The following DAB1 variants were observed in gnomAD, a reference collection of about 807,000 sequenced individuals.
DAB1 encodes DAB adaptor protein 1.
In DAB1, 15 loss-of-function variants were observed where a neutral mutation model predicts 64.6. The observed-to-expected ratio is 0.23, with a 90% CI of 0.16 to 0.36. The LOEUF is 0.36. Among genes scored for constraint, DAB1 ranks in the 10% least tolerant of loss-of-function variants. The pLI, the probability that DAB1 is intolerant of heterozygous loss-of-function variation, is 1.00. For missense variants in DAB1, 596 were observed against 706.7 expected (o/e 0.84, Z 1.78); for synonymous variants, 235 against 251.9 (o/e 0.93, Z 0.64).
chr1:57,961,356 A>T (rs1645516950), intron 5 of DAB1, among the ~76,000 whole-genome samples: 1 of 152,076 alleles, frequency 6.6e-6, no homozygotes, highest in Non-Finnish European at 1.5e-5. Flanking sequence ...TAACCTCTAA[A>T]CTTTTCAATT....
At chr1:57,822,238 T>C (rs562612351), downstream of DAB1, among the ~76,000 whole-genome samples, 1 of 152,336 alleles carries the variant, frequency 6.6e-6, no homozygotes, top group Non-Finnish European at 1.5e-5. Context: ...ATGCTGTCCA[T>C]CGTAATCATA....
intron 9 of DAB1, among the ~76,000 whole-genome samples, chr1:57,043,006 G>C (rs1320225471): frequency 6.6e-6 from 1 of 151,748 alleles, no homozygotes; most frequent in African/African-American, 2.4e-5. Flanking sequence ...AGAAATACTA[G>C]GCAGAAGTTC....
intron 5 of DAB1, among the ~76,000 whole-genome samples, chr1:58,081,796 A>G (rs942243956): frequency 7.2e-5 from 11 of 152,206 alleles, no homozygotes; most frequent in Non-Finnish European, 1.5e-5. Context: ...CAGTAAATGA[A>G]TAATTCCCCA....
chr1:57,443,976 A>T (rs1029236760), intron 7 of DAB1, among the ~76,000 whole-genome samples: 3 of 152,178 alleles, frequency 2.0e-5, no homozygotes, highest in African/African-American at 7.2e-5. Flanking sequence ...TTGGGTTTTT[A>T]AAATCTTGAT....
At chr1:58,242,037 G>A (rs1236994060) in intron 4 of DAB1, among the ~76,000 whole-genome samples, 1 of 151,980 alleles carries the variant, frequency 6.6e-6, no homozygotes, top group Non-Finnish European at 1.5e-5. Flanking sequence ...TTTCAGTATT[G>A]TTTATAAAAA....
At chr1:57,515,015 G>T (rs1029210952) in intron 7 of DAB1, among the ~76,000 whole-genome samples, 1 of 152,066 alleles carries the variant, frequency 6.6e-6, no homozygotes, top group African/African-American at 2.4e-5. Context: ...GCATATTGCT[G>T]TAAAATTTTC....
At chr1:58,469,094 T>C (rs1297998061) in intron 3 of DAB1, 5 of 195,450 alleles carry the variant, frequency 2.6e-5, no homozygotes, top group Admixed American at 6.5e-5. Flanking sequence ...TCAAGCATCA[T>C]TGCTGGCCAG....
intron 4 of DAB1, among the ~76,000 whole-genome samples, chr1:58,243,872 C>T (rs1660410793): frequency 2.6e-5 from 4 of 152,124 alleles, no homozygotes; most frequent in Non-Finnish European, 5.9e-5. Flanking sequence ...AAAACTCAGG[C>T]CCCTGAAATG....
chr1:58,323,171 A>C (rs1662732136), intron 4 of DAB1, among the ~76,000 whole-genome samples: 1 of 151,984 alleles, frequency 6.6e-6, no homozygotes, highest in Non-Finnish European at 1.5e-5. Context: ...GCACATCAAC[A>C]TGGCACATGT....
At chr1:57,098,705 T>C (rs1017646491) in intron 4 of DAB1, among the ~76,000 whole-genome samples, 1 of 152,180 alleles carries the variant, frequency 6.6e-6, no homozygotes, top group Non-Finnish European at 1.5e-5. Flanking sequence ...TCTACCGGAC[T>C]ATGAAGCAAT....
intron 2 of DAB1, among the ~76,000 whole-genome samples, chr1:57,166,748 C>G (rs529955782): frequency 6.6e-6 from 1 of 152,166 alleles, no homozygotes; most frequent in African/African-American, 2.4e-5. Context: ...TGTAAAAGAC[C>G]TTACATCTAA....
At chr1:57,395,813 CCTATAGCAT>C (rs1180483508) in intron 1 of DAB1, among the ~76,000 whole-genome samples, 16 of 87,556 alleles carry the variant, frequency 1.8e-4, no homozygotes, top group African/African-American at 8.7e-4. Flanking sequence ...GGAATACAGA[CCTATAGCAT>C]TCTTAAGTAT....
intron 1 of DAB1, among the ~76,000 whole-genome samples, chr1:57,372,269 G>T (rs1054984831): frequency 6.6e-5 from 10 of 152,244 alleles, no homozygotes; most frequent in African/African-American, 1.9e-4. Context: ...GATTCACAAG[G>T]GAGAGAATGG....
chr1:58,101,318 AAAAATAAAATAAAAT>A (rs879789456), intron 5 of DAB1, among the ~76,000 whole-genome samples: 1 of 152,158 alleles, frequency 6.6e-6, no homozygotes, highest in Non-Finnish European at 1.5e-5. Context: ...CTCCGTCTCA[AAAAATAAAATAAAAT>A]AAAATAAAAT....
At chr1:57,745,975 C>T (rs912322408) in intron 6 of DAB1, among the ~76,000 whole-genome samples, 1 of 152,162 alleles carries the variant, frequency 6.6e-6, no homozygotes, top group Non-Finnish European at 1.5e-5. Flanking sequence ...ACATACACTA[C>T]ATATCATTGT....
intron 4 of DAB1, among the ~76,000 whole-genome samples, chr1:58,313,897 C>A: frequency 6.8e-6 from 1 of 146,392 alleles, no homozygotes. Flanking sequence ...CACTAATGAC[C>A]TACTCACCTC....
chr1:58,129,950 A>T (rs1653421045), intron 5 of DAB1, among the ~76,000 whole-genome samples: 2 of 144,676 alleles, frequency 1.4e-5, no homozygotes, highest in South Asian at 4.7e-4. Flanking sequence ...TGGGGTGGAG[A>T]GTTCTGTAGA....
At chr1:57,659,056 C>T (rs2101666100) in intron 6 of DAB1, among the ~76,000 whole-genome samples, 1 of 152,258 alleles carries the variant, frequency 6.6e-6, no homozygotes, top group Non-Finnish European at 1.5e-5. Context: ...TCCAGGGAGA[C>T]TTCTGGGCAA....
In DAB1 at chr1:57,478,400, T is replaced by C. The variant is rs534183859; in HGVS notation, n.625+171192A>G. Among the ~76,000 whole-genome samples, 5 of 152,248 alleles carry C rather than the reference T, an allele frequency of 3.3e-5. No homozygotes were observed. The South Asian group carries it at 1.0e-3, about 32-fold the overall frequency. ...AAAGGCTACTTTGTTAATGAAATTATTCTGCTGGCATTTTGTGGCAAGGAC... is the reference window on the plus strand; with the variant it reads ...AAAGGCTACTTTGTTAATGAAATTACTCTGCTGGCATTTTGTGGCAAGGAC... On this transcript the variant is annotated intron_variant and non_coding_transcript_variant, in intron 7 of 20. Transcript: ENST00000485760.
Sources: allele counts gnomAD v4.1 joint callset (sites outside exome capture counted in the v4.1 genomes callset), GRCh38; gene constraint gnomAD v4.1.1; transcripts MANE v1.5; gene names NCBI Gene and HGNC (gene_info 2026-07-23, HGNC 2026-07-21).